Variants in IL1RAPL1 observed in about 807,000 individuals in gnomAD.
IL1RAPL1 encodes interleukin 1 receptor accessory protein like 1, also known as interleukin-1 receptor accessory protein-like 1.
IL1RAPL1 carries 3 observed loss-of-function variants against 48.4 expected under a neutral mutation model. The observed-to-expected ratio is 0.06, with a 90% CI of 0.03 to 0.16. The LOEUF is 0.16. Among genes scored for constraint, IL1RAPL1 ranks in the 10% least tolerant of loss-of-function variants. The pLI is 1.00. For synonymous variants in IL1RAPL1, 185 were observed against 187.7 expected (o/e 0.99, Z 0.12); for missense variants, 349 against 530.6 (o/e 0.66, Z 3.36).
chrX:29,025,317 A>G (rs1021600883), intron 2 of IL1RAPL1, among the ~76,000 whole-genome samples: 3 of 111,730 alleles, frequency 2.7e-5, no homozygotes, highest in Non-Finnish European at 5.6e-5. Context: ...TGTAACTAGG[A>G]GTGAAATTGT....
At chrX:29,842,358 G>C (rs1221474823) in intron 6 of IL1RAPL1, among the ~76,000 whole-genome samples, 1 of 112,207 alleles carries the variant, frequency 8.9e-6, no homozygotes, top group Non-Finnish European at 1.9e-5. Context: ...GAATAGATCT[G>C]TCCAGATATA....
intron 1 of IL1RAPL1, among the ~76,000 whole-genome samples, chrX:28,715,914 T>C (rs1935498653): frequency 8.9e-6 from 1 of 111,964 alleles, no homozygotes; most frequent in African/African-American, 3.2e-5. Flanking sequence ...CTTGATAACA[T>C]TGATGCAAAA....
At chrX:28,657,954 G>T (rs757861808) in intron 1 of IL1RAPL1, among the ~76,000 whole-genome samples, 1 of 112,132 alleles carries the variant, frequency 8.9e-6, no homozygotes, top group Non-Finnish European at 1.9e-5. Context: ...GAAGTAAAAT[G>T]TATCTACTCC....
At chrX:29,251,387 T>C (rs1241237705) in intron 2 of IL1RAPL1, among the ~76,000 whole-genome samples, 1 of 111,519 alleles carries the variant, frequency 9.0e-6, no homozygotes, top group Admixed American at 9.6e-5. Flanking sequence ...GAGCTTTTTG[T>C]TCAGGTAGTG....
At chrX:29,634,442 T>C (rs934687963) in intron 5 of IL1RAPL1, among the ~76,000 whole-genome samples, 2 of 111,336 alleles carry the variant, frequency 1.8e-5, no homozygotes, top group Non-Finnish European at 3.8e-5. Flanking sequence ...GAGGGTGAGT[T>C]ACTGTACTCA....
chrX:28,960,417 C>A (rs984790837), intron 2 of IL1RAPL1, among the ~76,000 whole-genome samples: 2 of 111,637 alleles, frequency 1.8e-5, no homozygotes, highest in African/African-American at 6.5e-5. Context: ...CGGCTTGAGT[C>A]AACCAAACTG....
intron 6 of IL1RAPL1, among the ~76,000 whole-genome samples, chrX:29,743,081 A>T (rs1341582722): frequency 9.1e-6 from 1 of 109,675 alleles, no homozygotes; most frequent in Non-Finnish European, 1.9e-5. Flanking sequence ...ATACATATGT[A>T]ATATGACAGT....
intron 3 of IL1RAPL1, among the ~76,000 whole-genome samples, chrX:29,287,186 A>T (rs12559028): frequency 1.1e-4 from 12 of 110,730 alleles, no homozygotes; most frequent in Non-Finnish European, 1.7e-4. Context: ...GAAATCATAC[A>T]GTATAGAACC....
chrX:29,162,429 T>C lies in IL1RAPL1; in HGVS notation c.83-120509T>C, dbSNP rs776631821. Reference sequence around the variant, plus strand: ...TAATTTCTGCAGAAGACCATAAATATACTTGGTGTGTCAGGCAGTGATCTG... The same window carrying C: ...TAATTTCTGCAGAAGACCATAAATACACTTGGTGTGTCAGGCAGTGATCTG... On this transcript the variant is annotated intron_variant, in intron 2 of 10. Transcript: ENST00000378993. Among the ~76,000 whole-genome samples, 20 of 110,877 alleles carry C rather than the reference T, an allele frequency of 1.8e-4. 1 individual carries two copies. The highest frequency in any genetic ancestry group is 5.2e-4 in the African/African-American group (16 of 30,603).
At chrX:29,698,274 G>A (rs1486165109) in intron 6 of IL1RAPL1, among the ~76,000 whole-genome samples, 2 of 108,220 alleles carry the variant, frequency 1.8e-5, no homozygotes, top group East Asian at 2.9e-4. Context: ...GGGTTTAAGC[G>A]ATTCTCCTGC....
At chrX:29,322,313 C>A (rs1932809692) in intron 3 of IL1RAPL1, among the ~76,000 whole-genome samples, 1 of 107,957 alleles carries the variant, frequency 9.3e-6, no homozygotes, top group South Asian at 4.1e-4. Flanking sequence ...GTCGCCCAGG[C>A]TGGAGTGCAA....
intron 1 of IL1RAPL1, among the ~76,000 whole-genome samples, chrX:28,692,501 A>G (rs1208192434): frequency 8.9e-6 from 1 of 111,769 alleles, no homozygotes; most frequent in Non-Finnish European, 1.9e-5. Context: ...AATCAGTGCC[A>G]GCTTGTGGGC....
chrX:29,815,566 C>T (rs1276000416), intron 6 of IL1RAPL1, among the ~76,000 whole-genome samples: 1 of 110,934 alleles, frequency 9.0e-6, no homozygotes, highest in Non-Finnish European at 1.9e-5. Context: ...TTGGATGCCT[C>T]TTATTTCTTT....
At chrX:29,433,171 T>A (rs1421341953) in intron 5 of IL1RAPL1, among the ~76,000 whole-genome samples, 1 of 110,257 alleles carries the variant, frequency 9.1e-6, no homozygotes, top group African/African-American at 3.3e-5. Context: ...TAGGATAATA[T>A]TGCCTCTTTG....
chrX:29,296,454 G>A (rs1195174514), intron 3 of IL1RAPL1, among the ~76,000 whole-genome samples: 2 of 110,638 alleles, frequency 1.8e-5, no homozygotes, highest in Non-Finnish European at 3.8e-5. Context: ...TCCTATTTCT[G>A]TTTTGTACAT....
At chrX:29,221,610 TACACACACATACACACACACACACAC>T (rs1190929290) in intron 2 of IL1RAPL1, among the ~76,000 whole-genome samples, 13 of 61,807 alleles carry the variant, frequency 2.1e-4, no homozygotes, top group Admixed American at 6.0e-4. Context: ...GAGCAATGTA[TACACACACATACACACACACACACAC>T]ACACACACAC....
intron 2 of IL1RAPL1, among the ~76,000 whole-genome samples, chrX:29,238,384 A>G (rs1301731710): frequency 8.9e-6 from 1 of 111,870 alleles, no homozygotes; most frequent in Non-Finnish European, 1.9e-5. Context: ...AACATCTTTA[A>G]TCATATTATC....
chrX:28,895,478 C>T (rs183287485), intron 2 of IL1RAPL1, among the ~76,000 whole-genome samples: 2 of 88,749 alleles, frequency 2.3e-5, no homozygotes, highest in African/African-American at 4.4e-5. Context: ...TGGGGGGATA[C>T]GAGAGGGGGA....
intron 5 of IL1RAPL1, among the ~76,000 whole-genome samples, chrX:29,446,070 C>T (rs773403557): frequency 1.6e-3 from 176 of 112,089 alleles, no homozygotes; most frequent in Non-Finnish European, 2.8e-3. Context: ...CTGAGTACAA[C>T]TTTTAGTTGA....
Sources: allele counts gnomAD v4.1 joint callset (sites outside exome capture counted in the v4.1 genomes callset), GRCh38; gene constraint gnomAD v4.1.1; transcripts MANE v1.5; gene names NCBI Gene and HGNC (gene_info 2026-07-23, HGNC 2026-07-21).